Variants in MYH7B observed in about 807,000 individuals in gnomAD.
MYH7B encodes myosin-7B.
In MYH7B, 205 loss-of-function variants were observed where a neutral mutation model predicts 234.5. The ratio of observed to expected loss-of-function variants is 0.87; its 90% confidence interval spans 0.78 to 0.98. MYH7B has a LOEUF of 0.98. Ranked by LOEUF, MYH7B falls within the 50% of genes least tolerant of loss-of-function variation. The pLI is 0.00. For synonymous variants in MYH7B, 1,193 were observed against 1,105.0 expected (o/e 1.08, Z -1.58); for missense variants, 2,652 against 2,633.4 (o/e 1.01, Z -0.15).
chr20:34,978,167 A>AG lies in MYH7B; in HGVS notation c.91+75dup, dbSNP rs1024814057. On this transcript the variant is annotated intron_variant, in intron 5 of 44. Coordinates refer to ENST00000262873, the Ensembl canonical transcript of MYH7B. The stretch of plus-strand genomic sequence containing the variant: ...TTATGGACTCAGACCAGGAATTGGG[A>AG]GGGGTGGCACCAGCTCAGGGCTGAA... 1.9e-6 allele frequency: 3 copies of AG among 1,578,724 alleles called. No individual in the cohort carries two copies. In the African/African-American group the frequency reaches 4.0e-5, roughly 21 times the overall value.
Position 34,986,949 on chromosome 20 carries a change from T to C in MYH7B, c.968T>C (p.Val323Ala), listed in dbSNP as rs749954138. ...TTCTGCAGCCAGGGCGTCATCACCG[T>C]GGACAACATGAATGATGGGGAGGAG... The change falls in exon 15 of 45, where the codon GTG becomes GCG. Residue 323 changes from valine (V) to alanine (A), a missense_variant. By Grantham distance (64) the Val-to-Ala change is moderately conservative. Around this residue, in one of 3 missense-constraint regions of MYH7B, gnomAD observed 2,279 missense variants for 2,211.4 expected, o/e 1.03. Transcript: ENST00000262873. 1.4e-5 allele frequency: 22 copies of C among 1,613,930 alleles called. No individual in the cohort carries two copies. The South Asian group carries it at 1.8e-4, about 13-fold the overall frequency.
chr20:34,980,524 C>T, intron 7 of MYH7B, 54 bp from the exon 8 acceptor site: 1 of 1,467,402 alleles, frequency 6.8e-7, no homozygotes, highest in Non-Finnish European at 9.5e-7. Flanking sequence ...GGAGACAGAG[C>T]AAGACTCCAT....
chr20:34,988,357 T>A (rs997781068), intron 19 of MYH7B, 95 bp downstream of exon 19: 56 of 1,387,046 alleles, frequency 4.0e-5, no homozygotes, highest in Admixed American at 8.4e-5. Flanking sequence ...AGCCTGCAAG[T>A]GTGCATGGAA....
At chr20:34,976,359 G>C (rs925208569) in intron 3 of MYH7B, among the ~76,000 whole-genome samples, 1 of 152,206 alleles carries the variant, frequency 6.6e-6, no homozygotes, top group African/African-American at 2.4e-5. Context: ...TGTGAGCCTG[G>C]TCTGGCCTCT....
At position 34,979,613 on chromosome 20, in the gene MYH7B, G is replaced by C. The variant is rs557205231; in HGVS notation, c.199-48G>C. The C allele has an allele frequency of 2.4e-5, 38 of 1,611,854 alleles. 2 individuals carry two copies. The South Asian group carries it at 4.1e-4, about 17-fold the overall frequency. On this transcript the variant is annotated intron_variant, in intron 6 of 44. Coordinates refer to ENST00000262873, the Ensembl canonical transcript of MYH7B. ...GTGGGTGGGGGTGACAGGTGAGGTCGGTCGGTTCCTCCCGGTCCCCCGGCC... is the reference window on the plus strand; with the variant it reads ...GTGGGTGGGGGTGACAGGTGAGGTCCGTCGGTTCCTCCCGGTCCCCCGGCC...
chr20:34,979,710 T>C (rs2081912008), exon 7 of MYH7B: 1 of 1,614,052 alleles, frequency 6.2e-7, no homozygotes, highest in African/African-American at 1.3e-5. Flanking sequence ...CCGCCTCGCT[T>C]CGACTTACTG....
chr20:35,001,088 C>A, exon 41 of MYH7B: 1 of 1,613,794 alleles, frequency 6.2e-7, no homozygotes, highest in East Asian at 2.2e-5. Flanking sequence ...GAGCTCCAGG[C>A]CCGCCTTGAG....
intron 14 of MYH7B, among the ~76,000 whole-genome samples, chr20:34,986,513 C>T (rs1180222015): frequency 6.6e-6 from 1 of 152,234 alleles, no homozygotes; most frequent in Non-Finnish European, 1.5e-5. Context: ...TCCTCTCTGG[C>T]AAGCCCGTTG....
At chr20:34,973,742 C>T (rs1466361666) in intron 2 of MYH7B, among the ~76,000 whole-genome samples, 7 of 152,182 alleles carry the variant, frequency 4.6e-5, no homozygotes, top group Non-Finnish European at 5.9e-5. Context: ...TGCTCCAGGA[C>T]AGCTCTTCAA....
chr20:34,979,388 A>G lies in MYH7B; in HGVS notation c.92-2A>G. 1 of 1,611,170 alleles carries G rather than the reference A, an allele frequency of 6.2e-7. No homozygotes were observed. Among genetic ancestry groups the G allele is most frequent in the Non-Finnish European group, 8.5e-7 (1 of 1,178,406 alleles). ...GAGTCCAGAGCTCTCTCTGCAACCC[A>G]GGGAAGAAGCGAGTCTGGGTGCCTG... is the stretch of plus-strand genomic sequence containing the variant. On this transcript the variant is annotated splice_acceptor_variant, in intron 5 of 44. Coordinates refer to ENST00000262873, the Ensembl canonical transcript of MYH7B. LOFTEE classifies it high-confidence loss of function.
chr20:34,993,975 A>G (rs1484721390), intron 26 of MYH7B, among the ~76,000 whole-genome samples, 171 bp from the exon 27 acceptor site: 2 of 152,214 alleles, frequency 1.3e-5, no homozygotes, highest in Non-Finnish European at 2.9e-5. Context: ...CCTTCACTGG[A>G]GGCAGGCCTG....
intron 2 of MYH7B, among the ~76,000 whole-genome samples, chr20:34,965,547 T>G (rs1420982100): frequency 6.6e-6 from 1 of 152,232 alleles, no homozygotes; most frequent in African/African-American, 2.4e-5. Flanking sequence ...ATGGGATCTG[T>G]CTGCTCCTGG....
At chr20:34,981,273 G>GTTTTTTAAT in intron 9 of MYH7B, 1 of 548,058 alleles carries the variant, frequency 1.8e-6, no homozygotes. Flanking sequence ...GATAGGGAGG[G>GTTTTTTAAT]GACACCCACA....
At chr20:34,987,461 TCTTAA>T in intron 16 of MYH7B, 91 bp from the exon 17 acceptor site, 2 of 1,421,398 alleles carry the variant, frequency 1.4e-6, no homozygotes, top group Non-Finnish European at 1.9e-6. Flanking sequence ...ACTTGACCCC[TCTTAA>T]CTTCCCTCTC....
chr20:34,986,127 T>TA lies in MYH7B; in HGVS notation c.833_834insA (p.Phe278LeufsTer6), dbSNP rs2082017624. ...CTCCTGGAGAAGTCGCGGGTGATCT[T>TA]CCAGTTGCCTGGTGAGCGCAGCTAC... On this transcript the variant is annotated frameshift_variant, in exon 14 of 45. Transcript: ENST00000262873. LOFTEE classifies it high-confidence loss of function. 1 of 1,593,448 alleles carries TA rather than the reference T, an allele frequency of 6.3e-7. No individual in the cohort carries two copies. Among genetic ancestry groups the TA allele is most frequent in the African/African-American group, 1.3e-5 (1 of 74,606 alleles).
At chr20:34,971,018 A>C (rs375810043) in intron 2 of MYH7B, among the ~76,000 whole-genome samples, 11 of 152,298 alleles carry the variant, frequency 7.2e-5, no homozygotes, top group African/African-American at 2.6e-4. Context: ...AGCCCAGCTC[A>C]GGTCTTTCTG....
chr20:34,990,210 G>T (rs748288532), intron 21 of MYH7B, 24 bp from the exon 22 acceptor site: 2 of 1,614,100 alleles, frequency 1.2e-6, no homozygotes, highest in Non-Finnish European at 1.7e-6. Context: ...TCCCTGGAGT[G>T]ACCAGGCCCC....
intron 41 of MYH7B, 25 bp downstream of exon 41, chr20:35,001,183 G>A: frequency 6.2e-7 from 1 of 1,609,084 alleles, no homozygotes; most frequent in East Asian, 2.2e-5. Context: ...TCTAGTCCTT[G>A]GCGCAGGCAG....
chr20:34,994,116 C>T (rs1042484684), intron 26 of MYH7B, 30 bp from the exon 27 acceptor site: 12 of 1,604,816 alleles, frequency 7.5e-6, no homozygotes, highest in African/African-American at 2.7e-5. Context: ...AGCACTGAGC[C>T]ACCTTCACAG....
Sources: gnomAD v4.1 joint callset for allele counts (sites outside exome capture counted in the v4.1 genomes callset) on GRCh38, gnomAD v4.1.1 for gene constraint, gnomAD v4.1.1 regional missense constraint, MANE v1.5 for transcripts, NCBI Gene and HGNC (gene_info 2026-07-23, HGNC 2026-07-21) for gene names.